The following MCMDC2 variants were observed in gnomAD, a reference collection of about 807,000 sequenced individuals.
MCMDC2 encodes minichromosome maintenance domain containing 2.
Under a neutral mutation model 75.8 loss-of-function variants are expected in MCMDC2, and 54 were observed. The observed-to-expected ratio is 0.71, with a 90% CI of 0.57 to 0.89. The LOEUF is 0.89. Ranked by LOEUF, MCMDC2 falls within the 40% of genes least tolerant of loss-of-function variation. The pLI is 0.00. For missense variants in MCMDC2, 656 were observed against 780.4 expected, an observed-to-expected ratio of 0.84 and a Z score of 1.90; for synonymous variants, 249 against 274.6, an observed-to-expected ratio of 0.91 and a Z score of 0.92.
Position 66,874,423 on chromosome 8 carries a change from C to A in MCMDC2, c.192C>A (p.His64Gln). ...CTGAGCTTGGAAATCACATTTTACA[C>A]CAACCTTTAAAAGCTGCTGAAGTCT... ...LDAELGNHILHQPLKAAEVFQ... is the reference protein window; with the variant it reads ...LDAELGNHILQQPLKAAEVFQ... Residue 64 changes from histidine to glutamine, a missense_variant, in exon 3 of 15, where the codon CAC becomes CAA. Transcript: ENST00000422365. 1 of 1,613,786 alleles carries A rather than the reference C, an allele frequency of 6.2e-7. No homozygotes were observed. Among genetic ancestry groups the A allele is most frequent in the Non-Finnish European group, 8.5e-7 (1 of 1,179,930 alleles).
At chr8:66,917,401 A>T (rs1170998557) in intron 14 of MCMDC2, among the ~76,000 whole-genome samples, 1 of 152,224 alleles carries the variant, frequency 6.6e-6, no homozygotes, top group Non-Finnish European at 1.5e-5. Flanking sequence ...CAATTTTTAA[A>T]TTGAAGTAAA....
At chr8:66,906,515 A>G (rs2130857284) in intron 14 of MCMDC2, among the ~76,000 whole-genome samples, 1 of 152,262 alleles carries the variant, frequency 6.6e-6, no homozygotes, top group East Asian at 1.9e-4. Context: ...AAATCCCTAA[A>G]TAATATACAA....
chr8:66,913,472 G>C (rs892613567), intron 14 of MCMDC2, among the ~76,000 whole-genome samples: 1 of 152,154 alleles, frequency 6.6e-6, no homozygotes, highest in Admixed American at 6.5e-5. Context: ...TAAAATTATA[G>C]TGTGTTATAT....
At chr8:66,897,090 AT>A in intron 12 of MCMDC2, 131 bp downstream of exon 12, 1 of 859,908 alleles carries the variant, frequency 1.2e-6, no homozygotes. Context: ...GCTTTTAAAC[AT>A]TTTAAGGACA....
downstream of MCMDC2, among the ~76,000 whole-genome samples, chr8:66,923,920 C>T (rs1813639740): frequency 6.6e-6 from 1 of 151,918 alleles, no homozygotes; most frequent in Non-Finnish European, 1.5e-5. Context: ...ACAAAGCTAT[C>T]CACACCACCC....
chr8:66,911,825 G>GAA (rs1271899443), intron 14 of MCMDC2, among the ~76,000 whole-genome samples: 1 of 131,676 alleles, frequency 7.6e-6, no homozygotes, highest in Non-Finnish European at 1.7e-5. Flanking sequence ...TCTGTCTCAA[G>GAA]AAAAAAAAAA....
chr8:66,874,233 T>C lies in MCMDC2; in HGVS notation c.93T>C (p.Asn31=). 6.2e-7 allele frequency: 1 copy of C among 1,611,654 alleles called. No individual in the cohort carries two copies. Among genetic ancestry groups the C allele is most frequent in the Non-Finnish European group, 8.5e-7 (1 of 1,179,304 alleles). ...QKFIDDCKYY[N]DSKQSYAVYR... ...TTATAGATGATTGCAAGTACTACAA[T>C]GGTACGTTCAGCAAAGGTGAGTTAT... Residue 31 remains asparagine (N), a splice_region_variant and synonymous_variant, in exon 2 of 15, where the codon AAT becomes AAC. Transcript: ENST00000422365.
rs559645640 is a variant in MCMDC2 at position 66,905,788 on chromosome 8, C to T, written c.1879+453C>T. 2.0e-5 allele frequency among the ~76,000 whole-genome samples: 3 copies of T among 152,172 alleles called. No individual in the cohort carries two copies. In the East Asian group the frequency reaches 5.8e-4, roughly 29 times the overall value. On this transcript the variant is annotated intron_variant, in intron 14 of 14. Transcript: ENST00000422365. ...TTGGGAGGCCGAGACAGATGGATCA[C>T]AAGGTCAGGAGATCAAGACCAGCCT...
chr8:66,889,288 A>C (rs1811986685), intron 9 of MCMDC2, among the ~76,000 whole-genome samples: 1 of 152,190 alleles, frequency 6.6e-6, no homozygotes, highest in Non-Finnish European at 1.5e-5. Context: ...TGGGATATGA[A>C]GAGACTGAGG....
At chr8:66,909,499 T>C (rs995470066) in intron 14 of MCMDC2, among the ~76,000 whole-genome samples, 6 of 152,012 alleles carry the variant, frequency 3.9e-5, no homozygotes, top group African/African-American at 1.4e-4. Flanking sequence ...AAAATGCTGA[T>C]AGTGATATGG....
At chr8:66,883,475 C>G (rs1811688434) in intron 8 of MCMDC2, among the ~76,000 whole-genome samples, 1 of 152,044 alleles carries the variant, frequency 6.6e-6, no homozygotes, top group African/African-American at 2.4e-5. Flanking sequence ...CTAGCATGAC[C>G]TCGAATCATA....
At chr8:66,897,750 G>T (rs1291516569) in intron 12 of MCMDC2, among the ~76,000 whole-genome samples, 1 of 152,140 alleles carries the variant, frequency 6.6e-6, no homozygotes, top group Non-Finnish European at 1.5e-5. Flanking sequence ...CAAAACATAT[G>T]TGACATGTTC....
chr8:66,924,120 T>G (rs1813648703), downstream of MCMDC2, among the ~76,000 whole-genome samples: 1 of 152,130 alleles, frequency 6.6e-6, no homozygotes, highest in Non-Finnish European at 1.5e-5. Context: ...TATCAATTAT[T>G]TAGTTTGAAA....
At chr8:66,872,027 C>T (rs749327528) in intron 1 of MCMDC2, among the ~76,000 whole-genome samples, 5 of 152,120 alleles carry the variant, frequency 3.3e-5, no homozygotes, top group Non-Finnish European at 7.4e-5. Context: ...TACCAATAGT[C>T]GCCCTTCATT....
downstream of MCMDC2, chr8:66,926,238 G>A (rs1414462458): frequency 2.0e-5 from 3 of 152,076 alleles, no homozygotes; most frequent in African/African-American, 4.8e-5. Context: ...TGATTTTCAC[G>A]TCTTATTACT....
At chr8:66,900,727 A>G (rs760274275) in intron 12 of MCMDC2, among the ~76,000 whole-genome samples, 10 of 152,256 alleles carry the variant, frequency 6.6e-5, no homozygotes, top group Non-Finnish European at 1.5e-4. Context: ...CCCAAATCTT[A>G]CTAAATCACC....
intron 4 of MCMDC2, among the ~76,000 whole-genome samples, chr8:66,876,383 T>A (rs981813912): frequency 3.9e-5 from 6 of 152,164 alleles, no homozygotes; most frequent in African/African-American, 9.7e-5. Flanking sequence ...ATGGCCAATA[T>A]TTTTTGAGGG....
chr8:66,919,582 T>C lies in MCMDC2; in HGVS notation c.*413T>C, dbSNP rs2130877435. 1 of 152,854 alleles carries C rather than the reference T, an allele frequency of 6.5e-6. No homozygotes were observed. The highest frequency in any genetic ancestry group is 3.4e-3 in the Middle Eastern group (1 of 296). The allele number at this position is 152,854 out of a possible 1,614,324, so 9.5% of individuals were successfully genotyped here. A position where few individuals can be genotyped will look rare whatever the true frequency, so the allele number is the denominator to read the frequency against. The stretch of plus-strand genomic sequence containing the variant: ...ATAACTCTTTACCTACAAATTACTC[T>C]AAAACATTTTTCTTCCACTTGTGAA... On this transcript the variant is annotated 3_prime_UTR_variant, in exon 15 of 15. Coordinates refer to ENST00000422365, the MANE Select transcript of MCMDC2 (RefSeq NM_173518.5).
rs1467425752 is a variant in MCMDC2 at position 66,902,711 on chromosome 8, A to AAAAAATATAT, written c.1769+1364_1769+1365insAAAATATATA. The stretch of plus-strand genomic sequence containing the variant: ...CTGTCTCAAAAAAAAAAAAAAAAAA[A>AAAAAATATAT]ATATATATATATATATATATATATA... On this transcript the variant is annotated intron_variant, in intron 13 of 14. Coordinates refer to ENST00000422365, the MANE Select transcript of MCMDC2 (RefSeq NM_173518.5). 1.6e-4 allele frequency among the ~76,000 whole-genome samples: 11 copies of AAAAAATATAT among 67,928 alleles called. No individual in the cohort carries two copies. The East Asian group carries it at 2.5e-3, about 15-fold the overall frequency. 44.6% of individuals were successfully genotyped at this position (67,928 alleles called of 152,430 possible). A position where few individuals can be genotyped will look rare whatever the true frequency, so the allele number is the denominator to read the frequency against.
Sources: allele counts gnomAD v4.1 joint callset (sites outside exome capture counted in the v4.1 genomes callset), GRCh38; gene constraint gnomAD v4.1.1; transcripts MANE v1.5; gene names NCBI Gene and HGNC (gene_info 2026-07-23, HGNC 2026-07-21).